UBXN2B: variants seen among roughly 807,000 people sequenced by gnomAD.
UBXN2B encodes the protein UBX domain-containing protein 2B.
A neutral mutation model predicts 37.5 loss-of-function variants in UBXN2B; 19 were observed. The observed-to-expected ratio is 0.51, with a 90% confidence interval of 0.35 to 0.74. UBXN2B has a LOEUF of 0.74. Ranked by LOEUF, UBXN2B falls within the 30% of genes least tolerant of loss-of-function variation. UBXN2B has a pLI of 0.01. For missense variants in UBXN2B, 370 were observed against 393.2 expected, an observed-to-expected ratio of 0.94 and a Z score of 0.50; for synonymous variants, 145 against 143.8, an observed-to-expected ratio of 1.01 and a Z score of -0.06.
At chr8:58,430,412 G>A (rs1028397959) in intron 2 of UBXN2B, 107 bp from the exon 3 acceptor site, 2 of 758,592 alleles carry the variant, frequency 2.6e-6, no homozygotes, top group South Asian at 5.7e-5. Context: ...TCAAAATAAT[G>A]CCTCTTTTTA....
chr8:58,429,532 T>C (rs1808192963), intron 2 of UBXN2B, among the ~76,000 whole-genome samples: 1 of 152,220 alleles, frequency 6.6e-6, no homozygotes, highest in Non-Finnish European at 1.5e-5. Flanking sequence ...AGGGTTCTCC[T>C]GGTGTCTCCT....
intron 5 of UBXN2B, chr8:58,434,782 T>C (rs1808370084): frequency 6.6e-7 from 1 of 1,525,372 alleles, no homozygotes; most frequent in South Asian, 1.2e-5. Context: ...AAGAAACATC[T>C]TAATGTGATA....
chr8:58,430,985 G>T (rs112563596), intron 3 of UBXN2B, among the ~76,000 whole-genome samples: 1 of 151,994 alleles, frequency 6.6e-6, no homozygotes, highest in Non-Finnish European at 1.5e-5. Flanking sequence ...CAATGGTTAC[G>T]TTTCACATGA....
At chr8:58,429,758 A>G (rs1808198480) in intron 2 of UBXN2B, among the ~76,000 whole-genome samples, 1 of 152,282 alleles carries the variant, frequency 6.6e-6, no homozygotes, top group East Asian at 1.9e-4. Context: ...GGAGAGTTAT[A>G]AGTATTTTAA....
At chr8:58,440,277 C>A (rs1808509872) in intron 6 of UBXN2B, among the ~76,000 whole-genome samples, 1 of 152,250 alleles carries the variant, frequency 6.6e-6, no homozygotes, top group African/African-American at 2.4e-5. Context: ...GGATACCTTA[C>A]ATCACAACTT....
At chr8:58,413,377 T>C (rs1807687490) in intron 1 of UBXN2B, 1 of 152,222 alleles carries the variant, frequency 6.6e-6, no homozygotes, top group South Asian at 2.1e-4. Flanking sequence ...ATAAAGTATG[T>C]ATCAAAAGTT....
chr8:58,444,654 T>A (rs186723856), intron 6 of UBXN2B, among the ~76,000 whole-genome samples: 1 of 152,334 alleles, frequency 6.6e-6, no homozygotes, highest in East Asian at 1.9e-4. Flanking sequence ...TAAGGAACGC[T>A]GGACTCTTGG....
At chr8:58,414,734 A>G (rs544278489) in intron 1 of UBXN2B, among the ~76,000 whole-genome samples, 2 of 152,038 alleles carry the variant, frequency 1.3e-5, no homozygotes, top group South Asian at 4.2e-4. Flanking sequence ...TCTAAATATT[A>G]CTCATTTTCT....
At chr8:58,423,848 G>C (rs1808000694) in intron 2 of UBXN2B, among the ~76,000 whole-genome samples, 1 of 151,452 alleles carries the variant, frequency 6.6e-6, no homozygotes, top group Admixed American at 6.6e-5. Context: ...GTAGAAGACA[G>C]TTACTCAAAT....
Position 58,425,714 on chromosome 8 carries a change from G to C in UBXN2B, c.189-4805G>C. On this transcript the variant is annotated intron_variant, in intron 2 of 7. Transcript: ENST00000399598. ...TATTTCAGCAACATTTATACGAGTC[G>C]TGTTAAGGGGCTACGTGAGTTGTAG... 1.5e-5 allele frequency: 17 copies of C among 1,168,912 alleles called. No homozygotes were observed. In the South Asian group the frequency reaches 2.1e-4, roughly 14 times the overall value. 72.4% of individuals were successfully genotyped at this position (1,168,912 alleles called of 1,614,324 possible).
chr8:58,425,674 G>A (rs1563459826), intron 2 of UBXN2B: 6 of 1,174,094 alleles, frequency 5.1e-6, no homozygotes, highest in Non-Finnish European at 7.6e-6. Flanking sequence ...AATTTGCTTA[G>A]TTCTCGAATT....
intron 5 of UBXN2B, chr8:58,434,708 G>A: frequency 7.8e-7 from 1 of 1,279,370 alleles, no homozygotes; most frequent in Non-Finnish European, 1.0e-6. Context: ...TTAATTTTGT[G>A]GGCCAGGGGC....
At chr8:58,426,752 G>A (rs1179872871) in intron 2 of UBXN2B, 11 of 648,676 alleles carry the variant, frequency 1.7e-5, no homozygotes, top group Non-Finnish European at 2.9e-5. Context: ...GCTCGGTCAC[G>A]TTGGGCTGGC....
intron 2 of UBXN2B, 53 bp downstream of exon 2, chr8:58,417,006 T>TTTAC: frequency 7.1e-7 from 1 of 1,409,660 alleles, no homozygotes; most frequent in South Asian, 1.4e-5. Context: ...TTTCTAAAAA[T>TTTAC]TTACTAACTT....
At chr8:58,417,076 C>G (rs1023324365) in intron 2 of UBXN2B, 123 bp downstream of exon 2, 6 of 735,998 alleles carry the variant, frequency 8.2e-6, no homozygotes, top group Non-Finnish European at 1.0e-5. Context: ...AATTATTATT[C>G]CAAGATCGAG....
rs116413518 is a variant in UBXN2B at position 58,442,470 on chromosome 8, G to A, written c.671+2700G>A. On this transcript the variant is annotated intron_variant, in intron 6 of 7. Coordinates refer to ENST00000399598, the MANE Select transcript of UBXN2B (RefSeq NM_001077619.2). ...CTGAGCAGGAAATAAAAAGAAGCAA[G>A]TAAAACAGAAATGAAAATAATCTAT... 5.1e-3 allele frequency among the ~76,000 whole-genome samples: 772 copies of A among 152,286 alleles called. 4 individuals carry two copies. The highest frequency in any genetic ancestry group is 0.017 in the African/African-American group (712 of 41,566).
chr8:58,432,375 CTTTTTTTTTTT>C (rs34018318), intron 3 of UBXN2B, among the ~76,000 whole-genome samples: 4 of 81,520 alleles, frequency 4.9e-5, no homozygotes, highest in African/African-American at 1.0e-4. Context: ...TTCTAAATTT[CTTTTTTTTTTT>C]TTTTTTTTTT....
At chr8:58,430,470 T>C in intron 2 of UBXN2B, 49 bp from the exon 3 acceptor site, 1 of 1,350,598 alleles carries the variant, frequency 7.4e-7, no homozygotes. Context: ...TTTACTTCAG[T>C]TTATGTCTGT....
intron 2 of UBXN2B, among the ~76,000 whole-genome samples, chr8:58,419,093 T>C (rs897304193): frequency 2.0e-5 from 3 of 152,240 alleles, no homozygotes; most frequent in Admixed American, 6.5e-5. Context: ...GTGCCTCACA[T>C]TTGATTTCTA....
Sources: gnomAD v4.1 joint callset for allele counts (sites outside exome capture counted in the v4.1 genomes callset) on GRCh38, gnomAD v4.1.1 for gene constraint, MANE v1.5 for transcripts, NCBI Gene and HGNC (gene_info 2026-07-23, HGNC 2026-07-21) for gene names.